Variants in HEATR4 observed in about 807,000 individuals in gnomAD.
HEATR4 encodes the protein HEAT repeat-containing protein 4.
HEATR4 carries 95 observed loss-of-function variants against 108.8 expected under a neutral mutation model. The ratio of observed to expected loss-of-function variants is 0.87; its 90% CI spans 0.74 to 1.04. The LOEUF (loss-of-function observed/expected upper bound fraction) is 1.04, where lower values mean the gene tolerates loss of function less well. Among genes scored for constraint, HEATR4 ranks in the 50% least tolerant of loss-of-function variants. The pLI is 0.00. For missense variants in HEATR4, 1,152 were observed against 1,253.8 expected (o/e 0.92, Z 1.23); for synonymous variants, 443 against 459.4 (o/e 0.96, Z 0.46).
At position 73,522,585 on chromosome 14, in the gene HEATR4, C is replaced by T; in HGVS notation, c.568G>A (p.Ala190Thr). The change falls in exon 3 of 18, where the codon GCC (alanine) becomes ACC (threonine). Residue 190 changes from alanine (A) to threonine (T), a missense_variant. By Grantham distance (58) the Ala-to-Thr change is moderately conservative (BLOSUM62 0). Transcript: ENST00000553558. ...SLDVNLEERE[A>T]WLLPPEKEAR... ...TCCTTCTCAGGAGGCAGAAGCCAGG[C>T]TTCTCTTTCCTCCAGGTTCACATCT... 6.2e-7 allele frequency: 1 copy of T among 1,614,234 alleles called. No homozygotes were observed. The highest frequency in any genetic ancestry group is 2.2e-5 in the East Asian group (1 of 44,886).
rs752302136 is a variant in HEATR4, at chr14:73,502,953, C to T, written c.2047G>A (p.Ala683Thr). ...ATTTGCCCAAGCGCCTGTGCAGCTG[C>T]TCTCCTCACTTCCTTATTCCAGTCA... The part of the protein sequence containing the change: ...WNDWNKEVRR[A>T]AAQALGQMSL... Residue 683 changes from alanine to threonine, a missense_variant, in exon 11 of 18, where the codon GCA becomes ACA. Ala to Thr is a moderately conservative substitution (Grantham distance 58). Coordinates refer to ENST00000553558, the MANE Select transcript of HEATR4 (RefSeq NM_001220484.1). The T allele has an allele frequency of 1.1e-5, 17 of 1,613,966 alleles. No individual in the cohort carries two copies. The South Asian group carries it at 1.8e-4, about 17-fold the overall frequency.
At chr14:73,612,290 C>T in the HEATR4 span, among the ~76,000 whole-genome samples, 1 of 152,190 alleles carries the variant, frequency 6.6e-6, no homozygotes, top group African/African-American at 2.4e-5. Flanking sequence ...GATCCACCCA[C>T]CTCGGCCTCC....
At chr14:73,610,729 T>G in the HEATR4 span, among the ~76,000 whole-genome samples, 2 of 152,192 alleles carry the variant, frequency 1.3e-5, no homozygotes, top group Non-Finnish European at 2.9e-5. Context: ...TGGTTGGCCT[T>G]GGACTGACTC....
chr14:73,506,461 G>A lies in HEATR4; in HGVS notation c.1986+6C>T. ...TTCTGTCCTGGAGGCAAAGAAAGAG[G>A]TTTACCAAGCAGACATTTCCACTGA... On this transcript the variant is annotated splice_donor_region_variant and intron_variant, in intron 10 of 17. Coordinates refer to ENST00000553558, the MANE Select transcript of HEATR4 (RefSeq NM_001220484.1). The A allele has an allele frequency of 6.2e-7, 1 of 1,610,070 alleles. No homozygotes were observed. The highest frequency in any genetic ancestry group is 8.5e-7 in the Non-Finnish European group (1 of 1,177,108).
upstream of HEATR4, among the ~76,000 whole-genome samples, chr14:73,560,416 C>T (rs1475408653): frequency 6.6e-6 from 1 of 152,054 alleles, no homozygotes; most frequent in South Asian, 2.1e-4. Context: ...ATAATCCCAG[C>T]ACTTTGGGAG....
chr14:73,498,625 G>C (rs1018583260), intron 13 of HEATR4, among the ~76,000 whole-genome samples: 5 of 152,176 alleles, frequency 3.3e-5, no homozygotes, highest in African/African-American at 1.2e-4. Context: ...ATGGGGAAAG[G>C]AGGCACAATT....
In HEATR4 at chr14:73,508,195, T is replaced by C; in HGVS notation, c.1820A>G (p.Lys607Arg). ...IKRILHQLFT[K>R]KNEDTEEQSY... ...CTGTTCCTCAGTGTCCTCATTCTTC[T>C]TTGTAAACAGCTGGTGGAGGATCCT... The change falls in exon 9 of 18, where the codon AAG becomes AGG. Residue 607 changes from lysine to arginine, a missense_variant. Coordinates refer to ENST00000553558, the MANE Select transcript of HEATR4 (RefSeq NM_001220484.1). The C allele has an allele frequency of 6.2e-7, 1 of 1,614,108 alleles. No individual in the cohort carries two copies.
At chr14:73,628,882 G>A in the HEATR4 span, among the ~76,000 whole-genome samples, 3 of 150,998 alleles carry the variant, frequency 2.0e-5, no homozygotes, top group South Asian at 4.2e-4. Context: ...TGAAACCCCC[G>A]TCTCTACTAA....
At chr14:73,582,973 G>C in the HEATR4 span, 1 of 151,608 alleles carries the variant, frequency 6.6e-6, no homozygotes, top group Non-Finnish European at 1.5e-5. Context: ...GACAAAAACC[G>C]AGCTGTCATA....
At chr14:73,589,414 G>A in the HEATR4 span, among the ~76,000 whole-genome samples, 1 of 152,118 alleles carries the variant, frequency 6.6e-6, no homozygotes, top group Non-Finnish European at 1.5e-5. Flanking sequence ...CTGCCTGCCA[G>A]GTTCAAGCAA....
intron 12 of HEATR4, among the ~76,000 whole-genome samples, chr14:73,499,958 G>A (rs1176326182): frequency 6.6e-6 from 1 of 152,168 alleles, no homozygotes; most frequent in Non-Finnish European, 1.5e-5. Context: ...TGCCAGGCGC[G>A]GTGGCTCACG....
chr14:73,523,279 GC>G, intron 2 of HEATR4, 55 bp from the exon 3 acceptor site: 1 of 858,416 alleles, frequency 1.2e-6, no homozygotes, highest in Non-Finnish European at 1.7e-6. Context: ...GAAATTGGTA[GC>G]CCATAGCAGT....
the HEATR4 span, chr14:73,619,293 A>G: frequency 6.2e-7 from 1 of 1,612,184 alleles, no homozygotes; most frequent in Non-Finnish European, 8.5e-7. Flanking sequence ...TGTGTCTCTC[A>G]ATGGCTTCTT....
At position 73,506,804 on chromosome 14, in the gene HEATR4, GTTTTTTTTT is replaced by G. The variant is rs34660727; in HGVS notation, c.1882-242_1882-234del. On this transcript the variant is annotated intron_variant, in intron 9 of 17. Coordinates refer to ENST00000553558, the MANE Select transcript of HEATR4 (RefSeq NM_001220484.1). ...GGACCTTCCTTTCCTGACTTTAACT[GTTTTTTTTT>G]TTTTTTTTTTTTCTGAGAAGGTTGT... 0.018 allele frequency among the ~76,000 whole-genome samples: 1,421 copies of G among 80,506 alleles called. 129 individuals carry two copies. In the South Asian group the frequency reaches 0.25, roughly 14 times the overall value. 52.8% of individuals were successfully genotyped at this position (80,506 alleles called of 152,430 possible).
chr14:73,489,108 A>G (rs1002535409), intron 17 of HEATR4, among the ~76,000 whole-genome samples: 25 of 147,434 alleles, frequency 1.7e-4, no homozygotes, highest in Non-Finnish European at 2.8e-4. Flanking sequence ...TGTCTGCCTC[A>G]ACACTACACT....
At chr14:73,480,540 TTA>T (rs1183692939) in intron 17 of HEATR4, among the ~76,000 whole-genome samples, 19 of 152,250 alleles carry the variant, frequency 1.2e-4, no homozygotes, top group African/African-American at 4.1e-4. Flanking sequence ...TAATATTTTA[TTA>T]TGTTTTTTGA....
chr14:73,508,530 C>T (rs1886994650), intron 8 of HEATR4, among the ~76,000 whole-genome samples: 1 of 152,048 alleles, frequency 6.6e-6, no homozygotes, highest in African/African-American at 2.4e-5. Flanking sequence ...GGGCGGATCA[C>T]CTAAGGTCAG....
the HEATR4 span, among the ~76,000 whole-genome samples, chr14:73,599,400 CAA>C: frequency 2.0e-5 from 3 of 152,092 alleles, no homozygotes; most frequent in African/African-American, 7.2e-5. Context: ...GTATTTTTCT[CAA>C]GAGTCTGCAA....
chr14:73,602,121 A>C, the HEATR4 span, among the ~76,000 whole-genome samples: 1 of 152,054 alleles, frequency 6.6e-6, no homozygotes, highest in Non-Finnish European at 1.5e-5. Context: ...TCGTATTTTC[A>C]GTAGAGACGA....
Sources: allele counts gnomAD v4.1 joint callset (sites outside exome capture counted in the v4.1 genomes callset), GRCh38; gene constraint gnomAD v4.1.1; transcripts MANE v1.5; gene names NCBI Gene and HGNC (gene_info 2026-07-23, HGNC 2026-07-21).